SLC4A4: variants seen among roughly 807,000 people sequenced by gnomAD.
The protein encoded by SLC4A4 is solute carrier family 4 member 4, also known as electrogenic sodium bicarbonate cotransporter 1.
SLC4A4 carries 27 observed loss-of-function variants against 111.5 expected under a neutral mutation model. The ratio of observed to expected loss-of-function variants is 0.24; its 90% CI spans 0.18 to 0.33. The LOEUF is 0.33. Ranked by LOEUF, SLC4A4 falls within the 10% of genes least tolerant of loss-of-function variation. SLC4A4 has a pLI of 1.00. For synonymous variants in SLC4A4, 443 were observed against 463.4 expected (o/e 0.96, Z 0.57); for missense variants, 909 against 1,315.5 (o/e 0.69, Z 4.78).
At chr4:71,200,840 T>G (rs1387345345) in intron 1 of SLC4A4, among the ~76,000 whole-genome samples, 2 of 151,598 alleles carry the variant, frequency 1.3e-5, no homozygotes, top group East Asian at 3.9e-4. Context: ...TGAGCACAGC[T>G]GACACACCCC....
intron 2 of SLC4A4, among the ~76,000 whole-genome samples, chr4:71,180,780 G>A (rs1340062608): frequency 7.2e-5 from 11 of 152,166 alleles, no homozygotes; most frequent in Non-Finnish European, 1.2e-4. Flanking sequence ...CATTGTGGAA[G>A]TCAGTGTGGC....
At chr4:71,170,934 T>C (rs2602108) in intron 2 of SLC4A4, among the ~76,000 whole-genome samples, 27,601 of 152,124 alleles carry the variant, frequency 0.18, 5,637 homozygotes, top group African/African-American at 0.5. Flanking sequence ...GTAAAATACA[T>C]GGCATGAGCA....
At chr4:71,089,781 G>A (rs1301371022) in intron 1 of SLC4A4, among the ~76,000 whole-genome samples, 1 of 151,960 alleles carries the variant, frequency 6.6e-6, no homozygotes, top group East Asian at 1.9e-4. Flanking sequence ...GGAGTACCCG[G>A]CCATGTGAGG....
chr4:71,153,747 G>T (rs183766746), intron 2 of SLC4A4, among the ~76,000 whole-genome samples: 5 of 152,190 alleles, frequency 3.3e-5, no homozygotes, highest in Admixed American at 6.5e-5. Context: ...GGCCAGACTC[G>T]CTGTCTACTT....
chr4:71,422,570 T>C (rs1333680457), intron 7 of SLC4A4, among the ~76,000 whole-genome samples: 1 of 152,178 alleles, frequency 6.6e-6, no homozygotes, highest in Non-Finnish European at 1.5e-5. Flanking sequence ...TTTATGAACA[T>C]TGATGCAAAA....
chr4:71,149,444 C>T (rs1479912716), intron 2 of SLC4A4, among the ~76,000 whole-genome samples: 1 of 152,056 alleles, frequency 6.6e-6, no homozygotes, highest in Non-Finnish European at 1.5e-5. Flanking sequence ...AGCAGGAAGT[C>T]ATAAATTTTG....
intron 6 of SLC4A4, among the ~76,000 whole-genome samples, chr4:71,370,080 GAA>G (rs1731722484): frequency 2.0e-5 from 3 of 152,134 alleles, no homozygotes; most frequent in Non-Finnish European, 4.4e-5. Context: ...AATTTTCCTT[GAA>G]TAATAAAAGT....
At chr4:71,524,848 T>A (rs2149199014) in intron 16 of SLC4A4, among the ~76,000 whole-genome samples, 1 of 152,258 alleles carries the variant, frequency 6.6e-6, no homozygotes, top group South Asian at 2.1e-4. Context: ...GGAATTGACA[T>A]CATAAGTTAA....
chr4:71,486,857 A>G, intron 14 of SLC4A4, 91 bp from the exon 15 acceptor site: 1 of 664,112 alleles, frequency 1.5e-6, no homozygotes, highest in East Asian at 3.2e-5. Flanking sequence ...TTTTTACTGT[A>G]TAACCCTGCT....
chr4:71,447,739 A>C lies in SLC4A4; in HGVS notation c.1053+6A>C, dbSNP rs1397261670. ...CCACCCTGATGTCTGATGAGGTAGG[A>C]AATCAGGAAGATGGAGTTCTGTGAA... is the stretch of plus-strand genomic sequence containing the variant. On this transcript the variant is annotated splice_donor_region_variant and intron_variant, in intron 9 of 25. Transcript: ENST00000264485. 6.3e-7 allele frequency: 1 copy of C among 1,582,952 alleles called. No homozygotes were observed. The highest frequency in any genetic ancestry group is 8.7e-7 in the Non-Finnish European group (1 of 1,152,220).
chr4:71,253,724 A>G (rs1260319497), intron 2 of SLC4A4, among the ~76,000 whole-genome samples: 1 of 152,200 alleles, frequency 6.6e-6, no homozygotes, highest in Non-Finnish European at 1.5e-5. Context: ...TTTGCTTGCA[A>G]ATGGTTACAC....
chr4:71,445,804 C>T (rs1291227104), intron 8 of SLC4A4, among the ~76,000 whole-genome samples: 1 of 152,146 alleles, frequency 6.6e-6, no homozygotes, highest in Admixed American at 6.5e-5. Flanking sequence ...AGTGATCAGT[C>T]CCTTTAGAAA....
Position 71,248,340 on chromosome 4 carries a change from A to G in SLC4A4, c.74-6880A>G, listed in dbSNP as rs534458595. On this transcript the variant is annotated intron_variant, in intron 2 of 25. Coordinates refer to ENST00000264485, the MANE Select transcript of SLC4A4 (RefSeq NM_001098484.3). ...CACAGTGGGAGACTATGTTTAATTCAGAATGTGCATTAAATAAATATATAT... is the reference window on the plus strand; with the variant it reads ...CACAGTGGGAGACTATGTTTAATTCGGAATGTGCATTAAATAAATATATAT... 2.0e-5 allele frequency among the ~76,000 whole-genome samples: 3 copies of G among 152,030 alleles called. No individual in the cohort carries two copies. The South Asian group carries it at 6.2e-4, about 32-fold the overall frequency.
chr4:71,261,475 A>G (rs1220352919), intron 3 of SLC4A4, among the ~76,000 whole-genome samples: 1 of 152,224 alleles, frequency 6.6e-6, no homozygotes, highest in Non-Finnish European at 1.5e-5. Flanking sequence ...AGTGTTGTGC[A>G]GAAAGGAAAA....
chr4:71,161,153 TGGATTC>T (rs971401061), intron 2 of SLC4A4, among the ~76,000 whole-genome samples: 3 of 152,148 alleles, frequency 2.0e-5, no homozygotes, highest in African/African-American at 7.2e-5. Flanking sequence ...AGATGAGATA[TGGATTC>T]TGATAGAGAC....
chr4:71,556,259 T>C (rs1736470219), intron 21 of SLC4A4, among the ~76,000 whole-genome samples: 1 of 151,946 alleles, frequency 6.6e-6, no homozygotes, highest in African/African-American at 2.4e-5. Context: ...TGGTTCTTCA[T>C]AGAGTGGACT....
chr4:71,465,021 A>G (rs895689991), intron 12 of SLC4A4, among the ~76,000 whole-genome samples: 3 of 152,168 alleles, frequency 2.0e-5, no homozygotes, highest in African/African-American at 7.2e-5. Context: ...GAGGTGGCCT[A>G]GTGAGGCTGA....
chr4:71,134,653 C>A (rs1028851333), intron 2 of SLC4A4, among the ~76,000 whole-genome samples: 8 of 152,202 alleles, frequency 5.3e-5, no homozygotes, highest in Non-Finnish European at 7.3e-5. Context: ...CCCCAGAGGC[C>A]AGGGATTCCC....
At chr4:71,307,872 A>G (rs1317921019) in intron 3 of SLC4A4, among the ~76,000 whole-genome samples, 2 of 152,178 alleles carry the variant, frequency 1.3e-5, no homozygotes, top group Non-Finnish European at 2.9e-5. Flanking sequence ...ATAGGTGCCC[A>G]CAACTACTAA....
Sources: gnomAD v4.1 joint callset for allele counts (sites outside exome capture counted in the v4.1 genomes callset) on GRCh38, gnomAD v4.1.1 for gene constraint, MANE v1.5 for transcripts, NCBI Gene and HGNC (gene_info 2026-07-23, HGNC 2026-07-21) for gene names.